Variants in MDN1 observed in about 807,000 individuals in gnomAD.
MDN1 encodes the protein midasin AAA ATPase 1, also known as midasin.
In MDN1, 266 loss-of-function variants were observed where a neutral mutation model predicts 669.2. The ratio of observed to expected loss-of-function variants is 0.40; its 90% CI spans 0.36 to 0.44. The LOEUF is 0.44. Among genes scored for constraint, MDN1 ranks in the 20% least tolerant of loss-of-function variants. The probability of loss-of-function intolerance (pLI) is 1.00; values close to 1 mark genes in which losing one functional copy is unlikely to be tolerated. For synonymous variants in MDN1, 2,385 were observed against 2,457.1 expected (o/e 0.97, Z 0.87); for missense variants, 5,940 against 6,754.0 (o/e 0.88, Z 4.22).
At chr6:89,710,538 A>T in intron 50 of MDN1, 143 bp downstream of exon 50, 1 of 467,860 alleles carries the variant, frequency 2.1e-6, no homozygotes, top group Non-Finnish European at 3.7e-6. Flanking sequence ...AAAAAAAAAG[A>T]AGGAGAATTT....
At position 89,695,968 on chromosome 6, in the gene MDN1, C is replaced by A; in HGVS notation, c.9408G>T (p.Gly3136=). Residue 3136 remains glycine, a synonymous_variant, in exon 61 of 102, where the codon GGG becomes GGT. Coordinates refer to ENST00000369393, the MANE Select transcript of MDN1 (RefSeq NM_014611.3). This position sits in a 1 kb window ranked among gnomAD's most constrained non-coding sequence, Gnocchi z 4.1. ...EFRRTDSQLQ[G]QVLFRHLAGL... ...CTGCCAGGTGCCGGAACAGCACCTG[C>A]CCCTGGAGTTGGGAATCCGTGCGTC... is the stretch of plus-strand genomic sequence containing the variant. The A allele has an allele frequency of 6.2e-7, 1 of 1,608,994 alleles. No individual in the cohort carries two copies. Among genetic ancestry groups the A allele is most frequent in the Non-Finnish European group, 8.5e-7 (1 of 1,177,440 alleles).
intron 37 of MDN1, among the ~76,000 whole-genome samples, chr6:89,726,002 A>G (rs1815211078): frequency 6.6e-6 from 1 of 151,986 alleles, no homozygotes; most frequent in Admixed American, 6.6e-5. Context: ...TAATCTTTAA[A>G]CTGAATAAAT....
At chr6:89,697,646 A>T (rs937817998) in intron 59 of MDN1, among the ~76,000 whole-genome samples, 14 of 151,464 alleles carry the variant, frequency 9.2e-5, no homozygotes, top group African/African-American at 3.2e-4. Flanking sequence ...CAATGGCACG[A>T]TCTTGGCTCA....
In MDN1 at chr6:89,686,949, T is replaced by A; in HGVS notation, c.11525A>T (p.Tyr3842Phe). The A allele has an allele frequency of 6.2e-7, 1 of 1,613,960 alleles. No homozygotes were observed. ...CTGCATGTGCTTCTCAAGCATCTGA[T>A]AGATGGAGAACCAGTGCTTGGTGGA... ...EKSTKHWFSI[Y>F]QMLEKHMQEQ... The change falls in exon 69 of 102, where the codon TAT (tyrosine) becomes TTT (phenylalanine). Residue 3842 changes from tyrosine to phenylalanine, a missense_variant. Tyr to Phe is a conservative substitution (Grantham distance 22, BLOSUM62 3). This residue lies in a region of MDN1 where 2,280 missense variants were observed against 2,576.3 expected (regional missense o/e 0.88). Coordinates refer to ENST00000369393, the MANE Select transcript of MDN1 (RefSeq NM_014611.3).
At chr6:89,812,999 G>A (rs933876419) in intron 1 of MDN1, among the ~76,000 whole-genome samples, 2 of 151,742 alleles carry the variant, frequency 1.3e-5, no homozygotes, top group Non-Finnish European at 2.9e-5. Flanking sequence ...GGAGTGCAAT[G>A]GCGCGATCTC....
chr6:89,741,432 T>C (rs1464609346), intron 31 of MDN1, among the ~76,000 whole-genome samples: 1 of 152,082 alleles, frequency 6.6e-6, no homozygotes, highest in Non-Finnish European at 1.5e-5. Context: ...AAGTAAACTA[T>C]GGGAGAAATT....
chr6:89,694,810 C>T (rs1333339508), intron 61 of MDN1, among the ~76,000 whole-genome samples: 1 of 152,122 alleles, frequency 6.6e-6, no homozygotes, highest in East Asian at 1.9e-4. Flanking sequence ...ACTTCAGCCC[C>T]TCAAAGTGCT....
chr6:89,758,756 C>T, intron 18 of MDN1, 60 bp downstream of exon 18: 2 of 1,561,282 alleles, frequency 1.3e-6, no homozygotes, highest in East Asian at 2.3e-5. Flanking sequence ...CAAAAAATCT[C>T]ACTCTAAAGT....
At position 89,713,239 on chromosome 6, in the gene MDN1, T is replaced by C; in HGVS notation, c.7127A>G (p.Tyr2376Cys). Residue 2376 changes from tyrosine (Y) to cysteine (C), a missense_variant, in exon 47 of 102, where the codon TAC becomes TGC. This residue lies in a region of MDN1 where 2,292 missense variants were observed against 2,638.3 expected (regional missense o/e 0.87). Transcript: ENST00000369393. Reference sequence around the variant, plus strand: ...GTCTAAACTCAGCCCTCGCTGCAGGTACTGGACAATTAGTATGGCTGTCTG... The same window carrying C: ...GTCTAAACTCAGCCCTCGCTGCAGGCACTGGACAATTAGTATGGCTGTCTG... The part of the protein sequence containing the change: ...LIQTAILIVQ[Y>C]LQRGLSLDRA... 6.2e-7 allele frequency: 1 copy of C among 1,614,068 alleles called. No homozygotes were observed. The highest frequency in any genetic ancestry group is 1.7e-5 in the Admixed American group (1 of 60,020).
chr6:89,801,512 G>A (rs1244978322), intron 2 of MDN1, among the ~76,000 whole-genome samples: 2 of 152,174 alleles, frequency 1.3e-5, no homozygotes, highest in East Asian at 3.8e-4. Flanking sequence ...TTAGCCAGGT[G>A]TGGTGGCACG....
intron 2 of MDN1, among the ~76,000 whole-genome samples, chr6:89,801,459 T>C (rs1024242565): frequency 3.9e-5 from 6 of 152,204 alleles, no homozygotes; most frequent in Non-Finnish European, 7.3e-5. Context: ...AAGATCAGCC[T>C]GGCCAACATA....
chr6:89,715,761 A>G lies in MDN1; in HGVS notation c.6752T>C (p.Val2251Ala), dbSNP rs1193895549. Reference sequence around the variant, plus strand: ...AAGCAAAGCATTCAAACGATCCAACACTGATGGGCTGCAGAGACAGAATTC... The same window carrying G: ...AAGCAAAGCATTCAAACGATCCAACGCTGATGGGCTGCAGAGACAGAATTC... ...MDNVNFCNPS[V>A]LDRLNALLEP... Residue 2251 changes from valine to alanine, a missense_variant, in exon 45 of 102, where the codon GTG (valine) becomes GCG (alanine). Around this residue, in one of 5 missense-constraint regions of MDN1, gnomAD observed 2,292 missense variants for 2,638.3 expected, o/e 0.87. Coordinates refer to ENST00000369393, the MANE Select transcript of MDN1 (RefSeq NM_014611.3). 6 of 1,606,330 alleles carry G rather than the reference A, an allele frequency of 3.7e-6. No homozygotes were observed. The highest frequency in any genetic ancestry group is 1.7e-5 in the Admixed American group (1 of 59,972).
At chr6:89,755,338 G>A (rs1817190570) in intron 20 of MDN1, among the ~76,000 whole-genome samples, 1 of 147,434 alleles carries the variant, frequency 6.8e-6, no homozygotes, top group South Asian at 2.2e-4. Context: ...GAGGCCAGGG[G>A]TTTAAGACCA....
chr6:89,652,178 G>T lies in MDN1; in HGVS notation c.15915+14C>A. The T allele has an allele frequency of 2.5e-6, 4 of 1,605,512 alleles. No homozygotes were observed. The highest frequency in any genetic ancestry group is 3.4e-6 in the Non-Finnish European group (4 of 1,175,132). On this transcript the variant is annotated intron_variant, in intron 95 of 101. Transcript: ENST00000369393. Reference sequence around the variant, plus strand: ...CGAGATATTTTATGAAAAAAACAGTGAGCAGTGACTTACCTCCTCTGGGTT... The same window carrying T: ...CGAGATATTTTATGAAAAAAACAGTTAGCAGTGACTTACCTCCTCTGGGTT...
intron 5 of MDN1, among the ~76,000 whole-genome samples, chr6:89,792,328 T>C (rs1359948284): frequency 3.9e-5 from 6 of 152,198 alleles, no homozygotes; most frequent in Non-Finnish European, 8.8e-5. Context: ...TGAACTTTCC[T>C]CAGGGTTGTC....
At chr6:89,787,749 G>T in intron 8 of MDN1, 105 bp downstream of exon 8, 1 of 735,496 alleles carries the variant, frequency 1.4e-6, no homozygotes, top group Non-Finnish European at 2.3e-6. Flanking sequence ...AACTAACCTT[G>T]CTTGAAGTAG....
intron 45 of MDN1, among the ~76,000 whole-genome samples, 190 bp from the exon 46 acceptor site, chr6:89,714,941 C>G (rs576176814): frequency 6.6e-6 from 1 of 152,292 alleles, no homozygotes; most frequent in African/African-American, 2.4e-5. Flanking sequence ...TCCTAAGGAA[C>G]TGTGTATGAT....
At chr6:89,795,473 C>G (rs921133629) in intron 2 of MDN1, among the ~76,000 whole-genome samples, 2 of 151,806 alleles carry the variant, frequency 1.3e-5, no homozygotes, top group Non-Finnish European at 2.9e-5. Flanking sequence ...TATGGTGGAG[C>G]CTGAAGCCTA....
intron 26 of MDN1, among the ~76,000 whole-genome samples, chr6:89,748,119 G>T (rs1156472142): frequency 2.7e-5 from 4 of 150,638 alleles, no homozygotes; most frequent in Admixed American, 6.6e-5. Context: ...AAGGTCAGGA[G>T]ATCGAGACCA....
Sources: allele counts gnomAD v4.1 joint callset (sites outside exome capture counted in the v4.1 genomes callset), GRCh38; gene constraint gnomAD v4.1.1; regional missense constraint gnomAD v4.1.1; non-coding constraint Gnocchi (gnomAD v3.1); transcripts MANE v1.5; gene names NCBI Gene and HGNC (gene_info 2026-07-23, HGNC 2026-07-21).